DNAJC18: variants seen among roughly 807,000 people sequenced by gnomAD.
DNAJC18 encodes dnaJ homolog subfamily C member 18.
A neutral mutation model predicts 48.6 loss-of-function variants in DNAJC18; 40 were observed. That is an observed-to-expected ratio of 0.82 (90% confidence interval 0.64 to 1.07). DNAJC18 has a LOEUF of 1.07. Ranked by LOEUF, DNAJC18 falls within the 50% of genes least tolerant of loss-of-function variation. The probability of loss-of-function intolerance (pLI) is 0.00; values close to 1 mark genes in which losing one functional copy is unlikely to be tolerated. For synonymous variants in DNAJC18, 135 were observed against 152.2 expected (o/e 0.89, Z 0.83); for missense variants, 340 against 427.7 (o/e 0.79, Z 1.81).
chr5:139,419,776 G>C (rs1410732844), intron 7 of DNAJC18, among the ~76,000 whole-genome samples: 6 of 152,200 alleles, frequency 3.9e-5, no homozygotes, highest in African/African-American at 1.4e-4. Context: ...AGAGGGGGCA[G>C]ATTGGCAGAG....
Position 139,426,288 on chromosome 5 carries a change from TCATCTC to T in DNAJC18, c.437_442del (p.Gly146_Asp147del). 1 of 1,614,220 alleles carries T rather than the reference TCATCTC, an allele frequency of 6.2e-7. No homozygotes were observed. Among genetic ancestry groups the T allele is most frequent in the Non-Finnish European group, 8.5e-7 (1 of 1,180,042 alleles). On this transcript the variant is annotated inframe_deletion, in exon 4 of 8. Transcript: ENST00000302060. ...TCGAGGGGCAGTGAAAGTCACCTGT[TCATCTC>T]CGTATTCATCATAGCGAAGTCTCTT...
chr5:139,421,537 G>A (rs1160229960), intron 6 of DNAJC18, among the ~76,000 whole-genome samples: 1 of 152,170 alleles, frequency 6.6e-6, no homozygotes, highest in Non-Finnish European at 1.5e-5. Context: ...CGGGCGCGAT[G>A]GCTCATGCCT....
chr5:139,428,664 A>G lies in DNAJC18; in HGVS notation c.247T>C (p.Tyr83His). Residue 83 changes from tyrosine (Y) to histidine (H), a missense_variant, in exon 3 of 8, where the codon TAC becomes CAC. Coordinates refer to ENST00000302060, the MANE Select transcript of DNAJC18 (RefSeq NM_152686.4). ...GVQRIKKCRN[Y>H]YEILGVSRDA... ...CGAGAAACTCCCAGAATTTCATAGT[A>G]ATTTCTGCATTTCTTGATCCTAAAA... is the stretch of plus-strand genomic sequence containing the variant. 6.2e-7 allele frequency: 1 copy of G among 1,611,980 alleles called. No homozygotes were observed. The highest frequency in any genetic ancestry group is 8.5e-7 in the Non-Finnish European group (1 of 1,179,486).
At chr5:139,418,964 G>T in intron 7 of DNAJC18, 1 of 426,364 alleles carries the variant, frequency 2.3e-6, no homozygotes, top group Non-Finnish European at 4.8e-6. Context: ...TGAACAAAGT[G>T]CTTTAAGAAC....
chr5:139,415,063 G>A (rs560883074), intron 7 of DNAJC18, among the ~76,000 whole-genome samples: 6 of 152,240 alleles, frequency 3.9e-5, no homozygotes, highest in East Asian at 1.9e-4. Flanking sequence ...GACGTATTGC[G>A]TATTAACAGG....
At chr5:139,422,857 C>CTTTT in intron 5 of DNAJC18, 40 bp from the exon 6 acceptor site, 7 of 1,164,324 alleles carry the variant, frequency 6.0e-6, no homozygotes, top group East Asian at 5.8e-5. Context: ...TGTAAGTGTT[C>CTTTT]TTTTTTTTTT....
intron 7 of DNAJC18, among the ~76,000 whole-genome samples, chr5:139,416,521 A>G (rs1168220312): frequency 6.6e-6 from 1 of 152,264 alleles, no homozygotes; most frequent in African/African-American, 2.4e-5. Context: ...AAAGCCAGGT[A>G]AAGCCAGGAC....
chr5:139,416,837 A>G (rs1350249775), intron 7 of DNAJC18, among the ~76,000 whole-genome samples: 1 of 152,244 alleles, frequency 6.6e-6, no homozygotes, highest in Non-Finnish European at 1.5e-5. Flanking sequence ...ATCTAGATGC[A>G]GCTGCGAAGA....
At chr5:139,436,757 G>A (rs1245787419) in intron 2 of DNAJC18, among the ~76,000 whole-genome samples, 1 of 151,834 alleles carries the variant, frequency 6.6e-6, no homozygotes, top group East Asian at 1.9e-4. Flanking sequence ...TTAGGTTACT[G>A]ATTTGGAGTC....
Position 139,425,023 on chromosome 5 carries a change from C to T in DNAJC18, c.651G>A (p.Glu217=). ...RHERTQTQKE[E]EEEKPQTTYS... ...TAGGTACCTGAGGTTTCTCTTCTTC[C>T]TCCTCCTTCTGAGTCTGTGTCCTCT... The change falls in exon 5 of 8, where the codon GAG becomes GAA. Residue 217 remains glutamate, a synonymous_variant. Coordinates refer to ENST00000302060, the MANE Select transcript of DNAJC18 (RefSeq NM_152686.4). The T allele has an allele frequency of 6.2e-7, 1 of 1,613,192 alleles. No individual in the cohort carries two copies. Among genetic ancestry groups the T allele is most frequent in the South Asian group, 1.1e-5 (1 of 91,078 alleles).
In DNAJC18 at chr5:139,430,736, G is replaced by C. The variant is rs572739779; in HGVS notation, c.228-2053C>G. Among the ~76,000 whole-genome samples the C allele has an allele frequency of 1.4e-4, 21 of 151,812 alleles. No individual in the cohort carries two copies. The South Asian group carries it at 3.5e-3, about 26-fold the overall frequency. The stretch of plus-strand genomic sequence containing the variant: ...AGGCTTGCATCACCACACCCAGCTA[G>C]TTTTTTGTATTTTTAGTAGAGACAG... On this transcript the variant is annotated intron_variant, in intron 2 of 7. Coordinates refer to ENST00000302060, the MANE Select transcript of DNAJC18 (RefSeq NM_152686.4).
intron 7 of DNAJC18, among the ~76,000 whole-genome samples, chr5:139,418,252 C>G (rs1046046460): frequency 3.3e-5 from 5 of 152,052 alleles, no homozygotes; most frequent in African/African-American, 9.7e-5. Flanking sequence ...CTCACTGCAG[C>G]CTTGATCTCC....
At position 139,411,362 on chromosome 5, in the gene DNAJC18, C is replaced by T. The variant is rs866923541; in HGVS notation, c.*2786G>A. ...TTGAGCCTCAAGCCCTATTTCTGAG[C>T]GCTGCTCCTCTCACACACGTCTCCA... On this transcript the variant is annotated 3_prime_UTR_variant, in exon 8 of 8. Transcript: ENST00000302060. 8.5e-5 allele frequency: 13 copies of T among 152,282 alleles called. No individual in the cohort carries two copies. The highest frequency in any genetic ancestry group is 6.5e-4 in the Admixed American group (10 of 15,298). The allele number at this position is 152,282 out of a possible 1,614,324, so 9.4% of individuals were successfully genotyped here.
At chr5:139,437,761 T>G (rs977391949) in intron 1 of DNAJC18, among the ~76,000 whole-genome samples, 11 of 152,206 alleles carry the variant, frequency 7.2e-5, no homozygotes, top group African/African-American at 2.4e-4. Flanking sequence ...GAAGAGACAC[T>G]GCTCGTAAAA....
rs1402726839 is a variant in DNAJC18 at position 139,423,781 on chromosome 5, A to G, written c.670-964T>C. 3.9e-5 allele frequency among the ~76,000 whole-genome samples: 6 copies of G among 152,170 alleles called. No individual in the cohort carries two copies. The East Asian group carries it at 9.6e-4, about 24-fold the overall frequency. ...AAAAAAAAAATCTGAAATCTGAAAT[A>G]CTACTGGTCCAATTTACTTCAGATA... On this transcript the variant is annotated intron_variant, in intron 5 of 7. Coordinates refer to ENST00000302060, the MANE Select transcript of DNAJC18 (RefSeq NM_152686.4).
intron 2 of DNAJC18, among the ~76,000 whole-genome samples, chr5:139,430,200 A>G (rs1224071808): frequency 6.6e-6 from 1 of 152,256 alleles, no homozygotes; most frequent in Non-Finnish European, 1.5e-5. Flanking sequence ...AAAAATTTTT[A>G]AACAGTGATG....
At chr5:139,426,125 CATAA>C in intron 4 of DNAJC18, 43 bp downstream of exon 4, 3 of 1,575,218 alleles carry the variant, frequency 1.9e-6, no homozygotes, top group Non-Finnish European at 2.6e-6. Flanking sequence ...TGCTGAGAGC[CATAA>C]ATAAAGAAAT....
At chr5:139,432,395 C>A (rs111385187) in intron 2 of DNAJC18, among the ~76,000 whole-genome samples, 1 of 152,144 alleles carries the variant, frequency 6.6e-6, no homozygotes, top group Admixed American at 6.5e-5. Flanking sequence ...GAACTCCTGA[C>A]CTTGTGATCC....
chr5:139,419,979 G>A (rs2152083054), intron 7 of DNAJC18, 74 bp downstream of exon 7: 1 of 1,386,526 alleles, frequency 7.2e-7, no homozygotes, highest in Non-Finnish European at 9.6e-7. Context: ...GAAGAGAGGA[G>A]GGATCAGGAG....
Sources: allele counts gnomAD v4.1 joint callset (sites outside exome capture counted in the v4.1 genomes callset), GRCh38; gene constraint gnomAD v4.1.1; transcripts MANE v1.5; gene names NCBI Gene and HGNC (gene_info 2026-07-23, HGNC 2026-07-21).